The following TARS3 variants were observed in gnomAD, a reference collection of about 807,000 sequenced individuals.
The protein encoded by TARS3 is threonine--tRNA ligase 2, cytoplasmic.
In TARS3, 94 loss-of-function variants were observed where a neutral mutation model predicts 103.5. The ratio of observed to expected loss-of-function variants is 0.91; its 90% CI spans 0.77 to 1.08. The LOEUF (loss-of-function observed/expected upper bound fraction) is 1.08. Among genes scored for constraint, TARS3 ranks in the 50% least tolerant of loss-of-function variants. TARS3 has a pLI of 0.00. For synonymous variants in TARS3, 416 were observed against 355.4 expected (o/e 1.17, Z -1.92); for missense variants, 952 against 995.2 (o/e 0.96, Z 0.58).
chr15:101,692,829 G>C (rs1461880305), intron 10 of TARS3, among the ~76,000 whole-genome samples: 1 of 152,238 alleles, frequency 6.6e-6, no homozygotes, highest in African/African-American at 2.4e-5. Flanking sequence ...CCCTTGGAGT[G>C]CATCTTTCAG....
chr15:101,690,852 C>T (rs1898684098), intron 10 of TARS3, among the ~76,000 whole-genome samples: 1 of 152,042 alleles, frequency 6.6e-6, no homozygotes, highest in African/African-American at 2.4e-5. Context: ...ATATTTGTTA[C>T]CAGATTAGTA....
chr15:101,703,675 C>A (rs1002827508), intron 8 of TARS3, among the ~76,000 whole-genome samples, 184 bp downstream of exon 8: 3 of 151,958 alleles, frequency 2.0e-5, no homozygotes, highest in Non-Finnish European at 4.4e-5. Context: ...ACAAAAGCCA[C>A]CTATAGTGTT....
intron 10 of TARS3, among the ~76,000 whole-genome samples, chr15:101,691,199 A>T (rs931727056): frequency 6.6e-6 from 1 of 152,006 alleles, no homozygotes; most frequent in Non-Finnish European, 1.5e-5. Flanking sequence ...TCAGCCTCCC[A>T]AAGTGCTGGG....
intron 10 of TARS3, among the ~76,000 whole-genome samples, chr15:101,697,690 A>T (rs1217985235): frequency 6.6e-6 from 1 of 152,152 alleles, no homozygotes; most frequent in Non-Finnish European, 1.5e-5. Context: ...AAAGATCTTA[A>T]GGGCGGGGCT....
At chr15:101,702,500 T>C (rs748806466) in intron 8 of TARS3, 115 bp from the exon 9 acceptor site, 10 of 867,890 alleles carry the variant, frequency 1.2e-5, no homozygotes, top group Non-Finnish European at 1.8e-5. Flanking sequence ...CCCTGCATGG[T>C]GGCTCATGCC....
At chr15:101,685,032 C>T (rs188640140) in intron 11 of TARS3, among the ~76,000 whole-genome samples, 47 of 152,276 alleles carry the variant, frequency 3.1e-4, no homozygotes, top group African/African-American at 1.1e-3. Context: ...TGTTTACATA[C>T]CGGTGTTCCT....
intron 15 of TARS3, among the ~76,000 whole-genome samples, chr15:101,670,296 T>C (rs765730477): frequency 5.9e-5 from 9 of 152,142 alleles, no homozygotes; most frequent in Non-Finnish European, 8.8e-5. Context: ...ATCTAGAATA[T>C]ATAAAGAATT....
chr15:101,685,976 C>T lies in TARS3; in HGVS notation c.1407G>A (p.Gln469=). ...SKLWEASGHW[Q]HYSENMFTFE... is the part of the protein sequence containing the mutation. The stretch of plus-strand genomic sequence containing the variant: ...AGGTAAACATGTTCTCGCTGTAATG[C>T]TGCCAGTGGCCTGAGGCTTCCCAGA... The change falls in exon 11 of 19, where the codon CAG becomes CAA. Residue 469 remains glutamine, a synonymous_variant. Transcript: ENST00000335968. The T allele has an allele frequency of 6.2e-7, 1 of 1,614,076 alleles. No individual in the cohort carries two copies. The highest frequency in any genetic ancestry group is 8.5e-7 in the Non-Finnish European group (1 of 1,179,916).
intron 12 of TARS3, among the ~76,000 whole-genome samples, chr15:101,678,853 C>A (rs184503334): frequency 2.0e-5 from 3 of 152,240 alleles, no homozygotes; most frequent in Admixed American, 2.0e-4. Context: ...TTTGGTGGGT[C>A]CAATGTCTTG....
At chr15:101,661,516 C>A (rs1291142445) in intron 16 of TARS3, among the ~76,000 whole-genome samples, 196 bp downstream of exon 16, 1 of 151,804 alleles carries the variant, frequency 6.6e-6, no homozygotes, top group Admixed American at 6.6e-5. Flanking sequence ...TCTGGCAAAT[C>A]GAATAAGAAT....
intron 6 of TARS3, 100 bp from the exon 7 acceptor site, chr15:101,705,847 T>C (rs1899532397): frequency 3.0e-6 from 3 of 983,904 alleles, no homozygotes; most frequent in Admixed American, 2.0e-5. Flanking sequence ...CATCTACTGA[T>C]GTTCTAGGTG....
intron 12 of TARS3, among the ~76,000 whole-genome samples, chr15:101,683,740 G>A (rs1157423275): frequency 2.0e-5 from 3 of 152,114 alleles, no homozygotes; most frequent in Admixed American, 1.3e-4. Flanking sequence ...ACTTTGCATG[G>A]CAATTTTAAC....
chr15:101,662,483 T>C (rs1897421926), intron 15 of TARS3, among the ~76,000 whole-genome samples: 1 of 152,130 alleles, frequency 6.6e-6, no homozygotes, highest in Non-Finnish European at 1.5e-5. Context: ...ATTTAACAAA[T>C]AAATAATAAA....
At chr15:101,664,954 T>C (rs1897523111) in intron 15 of TARS3, among the ~76,000 whole-genome samples, 1 of 152,072 alleles carries the variant, frequency 6.6e-6, no homozygotes, top group African/African-American at 2.4e-5. Flanking sequence ...AAAACTACAA[T>C]CACAGAAAGT....
chr15:101,665,180 T>C (rs916803015), intron 15 of TARS3, among the ~76,000 whole-genome samples: 3 of 152,234 alleles, frequency 2.0e-5, no homozygotes, highest in South Asian at 4.2e-4. Flanking sequence ...CAAAGAAATA[T>C]GGAAAAACAA....
intron 12 of TARS3, among the ~76,000 whole-genome samples, chr15:101,681,018 A>G (rs1188905536): frequency 1.3e-5 from 2 of 152,142 alleles, no homozygotes; most frequent in African/African-American, 2.4e-5. Flanking sequence ...TTGCATATGG[A>G]TACACAATCA....
Position 101,656,992 on chromosome 15 carries a change from G to C in TARS3, c.2190C>G (p.Asp730Glu). ...TATTTAGTGTACAACTGTGATCCAA[G>C]TCAACGTCAGCCATAAATCCTTCTT... Reference protein sequence around the residue: ...FFEEGFMADVDLDHSCTLNKK... With the variant: ...FFEEGFMADVELDHSCTLNKK... The change falls in exon 18 of 19, where the codon GAC (aspartate) becomes GAG (glutamate). Residue 730 changes from aspartate (D) to glutamate (E), a missense_variant. This residue lies in a region of TARS3 where 540 missense variants were observed against 631.0 expected (regional missense o/e 0.86). Coordinates refer to ENST00000335968, the MANE Select transcript of TARS3 (RefSeq NM_152334.3). The C allele has an allele frequency of 1.9e-6, 3 of 1,613,922 alleles. No homozygotes were observed. In the South Asian group the frequency reaches 3.3e-5, roughly 18 times the overall value.
intron 2 of TARS3, among the ~76,000 whole-genome samples, chr15:101,722,642 T>TTA (rs774095525): frequency 3.4e-5 from 2 of 58,752 alleles, no homozygotes; most frequent in Non-Finnish European, 5.7e-5. Flanking sequence ...CCATCTCTAC[T>TTA]AAAAAAAAAA....
At chr15:101,680,202 G>A (rs986825618) in intron 12 of TARS3, among the ~76,000 whole-genome samples, 1 of 152,214 alleles carries the variant, frequency 6.6e-6, no homozygotes, top group South Asian at 2.1e-4. Context: ...AGAGCCTGCT[G>A]AGAGTTAAAA....
Sources: gnomAD v4.1 joint callset for allele counts (sites outside exome capture counted in the v4.1 genomes callset) on GRCh38, gnomAD v4.1.1 for gene constraint, gnomAD v4.1.1 regional missense constraint, MANE v1.5 for transcripts, NCBI Gene and HGNC (gene_info 2026-07-23, HGNC 2026-07-21) for gene names.